C12orf42: variants seen among roughly 807,000 people sequenced by gnomAD.
The protein encoded by C12orf42 is chromosome 12 open reading frame 42.
C12orf42 carries 25 observed loss-of-function variants against 21.6 expected under a neutral mutation model. That is an observed-to-expected ratio of 1.16 (90% confidence interval 0.84 to 1.62). The LOEUF (loss-of-function observed/expected upper bound fraction) is 1.62. C12orf42 is among the 40% of genes most tolerant of loss of function. The probability of loss-of-function intolerance (pLI) is 0.00; values close to 1 mark genes in which losing one functional copy is unlikely to be tolerated. For synonymous variants in C12orf42, 174 were observed against 175.0 expected, an observed-to-expected ratio of 0.99 and a Z score of 0.05; for missense variants, 483 against 459.3, an observed-to-expected ratio of 1.05 and a Z score of -0.47.
At chr12:103,450,581 A>G (rs534499060) in intron 2 of C12orf42, among the ~76,000 whole-genome samples, 2 of 152,236 alleles carry the variant, frequency 1.3e-5, no homozygotes, top group East Asian at 1.9e-4. Flanking sequence ...TTCCACAGCA[A>G]TTCTAAAATC....
At chr12:103,199,729 G>A in the C12orf42 span, among the ~76,000 whole-genome samples, 3 of 152,102 alleles carry the variant, frequency 2.0e-5, no homozygotes, top group Non-Finnish European at 4.4e-5. Context: ...CTCAGAATCA[G>A]TAATAATCAG....
intron 10 of C12orf42, among the ~76,000 whole-genome samples, chr12:103,259,365 G>A (rs2034774876): frequency 6.6e-6 from 1 of 152,104 alleles, no homozygotes. Flanking sequence ...TGCAACTTCT[G>A]CCTCCCTGGT....
chr12:103,162,672 T>C, the C12orf42 span: 1 of 152,142 alleles, frequency 6.6e-6, no homozygotes, highest in Non-Finnish European at 1.5e-5. Flanking sequence ...AAACCTGGCA[T>C]CTTACAAGAT....
At chr12:103,556,921 T>C in the C12orf42 span, among the ~76,000 whole-genome samples, 1 of 148,908 alleles carries the variant, frequency 6.7e-6, no homozygotes, top group African/African-American at 2.5e-5. Flanking sequence ...GATGCAGAGA[T>C]TGTAGTTATG....
chr12:103,533,520 C>T, the C12orf42 span, among the ~76,000 whole-genome samples: 1 of 152,148 alleles, frequency 6.6e-6, no homozygotes, highest in Non-Finnish European at 1.5e-5. Flanking sequence ...ACTGCCATGC[C>T]AGGCATGGTC....
At position 103,259,589 on chromosome 12, in the gene C12orf42, A is replaced by G. The variant is rs58885636; in HGVS notation, c.*1366+3737T>C. ...CCACCATGCCTGGCCATCTTACCTT[A>G]ACTTTAAATCTCAGGATGTTCAGTT... On this transcript the variant is annotated intron_variant and NMD_transcript_variant, in intron 10 of 10. Coordinates refer to the C12orf42 transcript ENST00000547347. 5.0e-3 allele frequency among the ~76,000 whole-genome samples: 760 copies of G among 152,180 alleles called. 6 individuals are homozygous for G. Among genetic ancestry groups the G allele is most frequent in the African/African-American group, 0.017 (704 of 41,520 alleles).
intron 10 of C12orf42, among the ~76,000 whole-genome samples, chr12:103,241,581 T>C (rs780211803): frequency 3.1e-4 from 47 of 152,232 alleles, no homozygotes; most frequent in Non-Finnish European, 3.4e-4. Flanking sequence ...AATGTGACCA[T>C]TGGCTGGTCA....
At chr12:103,233,938 T>C (rs772701525), downstream of C12orf42, among the ~76,000 whole-genome samples, 16 of 152,236 alleles carry the variant, frequency 1.1e-4, no homozygotes, top group African/African-American at 3.6e-4. Flanking sequence ...GGTTAAATTG[T>C]AGATATACTT....
chr12:103,557,899 C>T, the C12orf42 span: 1 of 152,332 alleles, frequency 6.6e-6, no homozygotes, highest in South Asian at 2.1e-4. Context: ...TCTGAACTGT[C>T]TGCCAATTTC....
the C12orf42 span, among the ~76,000 whole-genome samples, chr12:103,195,468 C>A: frequency 6.6e-6 from 1 of 152,142 alleles, no homozygotes; most frequent in Admixed American, 6.5e-5. Flanking sequence ...TATTTTTTGA[C>A]ATTTAATAAT....
At chr12:103,328,327 A>G (rs1478989129) in intron 4 of C12orf42, among the ~76,000 whole-genome samples, 1 of 152,182 alleles carries the variant, frequency 6.6e-6, no homozygotes. Flanking sequence ...AATTAGGAGT[A>G]GGCTTAGCCC....
the C12orf42 span, among the ~76,000 whole-genome samples, chr12:103,169,198 A>AAATT: frequency 7.2e-6 from 1 of 138,212 alleles, no homozygotes; most frequent in South Asian, 2.3e-4. Context: ...ATAAATAAAT[A>AAATT]AAATAAAGAT....
At chr12:103,157,822 T>G in the C12orf42 span, among the ~76,000 whole-genome samples, 3 of 152,274 alleles carry the variant, frequency 2.0e-5, no homozygotes, top group East Asian at 5.8e-4. Flanking sequence ...AATATTACAC[T>G]CCAATAAAAA....
the C12orf42 span, among the ~76,000 whole-genome samples, chr12:103,228,440 G>T: frequency 6.6e-6 from 1 of 152,072 alleles, no homozygotes; most frequent in Non-Finnish European, 1.5e-5. Context: ...ATCAGTTAAG[G>T]TGGGGCAGGG....
At chr12:103,135,297 A>T in the C12orf42 span, among the ~76,000 whole-genome samples, 1 of 152,086 alleles carries the variant, frequency 6.6e-6, no homozygotes, top group East Asian at 1.9e-4. Flanking sequence ...TCTACTAAAA[A>T]TACAAAGAAA....
intron 4 of C12orf42, among the ~76,000 whole-genome samples, chr12:103,307,925 G>C (rs577374344): frequency 2.0e-5 from 3 of 152,226 alleles, no homozygotes; most frequent in Admixed American, 6.5e-5. Context: ...TGAGATTCTT[G>C]CTTCCATATA....
At chr12:103,451,822 T>A (rs971337801) in intron 2 of C12orf42, among the ~76,000 whole-genome samples, 1 of 152,032 alleles carries the variant, frequency 6.6e-6, no homozygotes, top group Admixed American at 6.6e-5. Flanking sequence ...TTTTCCAGGT[T>A]TTGCAGCCAG....
the C12orf42 span, among the ~76,000 whole-genome samples, chr12:103,532,469 C>A: frequency 6.6e-6 from 1 of 151,974 alleles, no homozygotes; most frequent in African/African-American, 2.4e-5. Flanking sequence ...TTTACTTTCT[C>A]TTTTATACCT....
the C12orf42 span, among the ~76,000 whole-genome samples, chr12:103,082,379 A>G: frequency 1.3e-5 from 2 of 152,328 alleles, no homozygotes; most frequent in Admixed American, 6.5e-5. Flanking sequence ...TTATGGCCTA[A>G]CCAAATCCTA....
Sources: allele counts gnomAD v4.1 joint callset (sites outside exome capture counted in the v4.1 genomes callset), GRCh38; gene constraint gnomAD v4.1.1; transcripts MANE v1.5; gene names NCBI Gene and HGNC (gene_info 2026-07-23, HGNC 2026-07-21).